The following F13B variants were observed in gnomAD, a reference collection of about 807,000 sequenced individuals.
The protein encoded by F13B is TGase.
Under a neutral mutation model 79.8 loss-of-function variants are expected in F13B, and 58 were observed. The ratio of observed to expected loss-of-function variants is 0.73; its 90% confidence interval spans 0.59 to 0.90. The LOEUF is 0.90. Among genes scored for constraint, F13B ranks in the 40% least tolerant of loss-of-function variants. F13B has a pLI of 0.00. For synonymous variants in F13B, 283 were observed against 260.3 expected, an observed-to-expected ratio of 1.09 and a Z score of -0.84; for missense variants, 773 against 777.0, an observed-to-expected ratio of 0.99 and a Z score of 0.06.
At position 197,057,097 on chromosome 1, in the gene F13B, C is replaced by A. The variant is rs570300747; in HGVS notation, c.1087G>T (p.Ala363Ser). The A allele has an allele frequency of 2.7e-5, 43 of 1,613,822 alleles. No individual in the cohort carries two copies. In the South Asian group the frequency reaches 4.3e-4, roughly 16 times the overall value. Residue 363 changes from alanine to serine, a missense_variant, in exon 7 of 12, where the codon GCA becomes TCA. Physicochemically the swap from Ala to Ser is moderately conservative, Grantham distance 99. Transcript: ENST00000367412. ...TGGAGAAGGTAGCCGCTTTTACATG[C>A]ATATGTCACTTTATCCCCATTGTAA... ...IYYNGDKVTY[A>S]CKSGYLLHGS...
chr1:197,061,091 T>G lies in F13B; in HGVS notation c.452-16A>C, dbSNP rs1257888005. ...AAACATGTTTCTAAAATTATAAAAA[T>G]TATTTATTTTATAAACTTTTTTAAT... On this transcript the variant is annotated splice_polypyrimidine_tract_variant and intron_variant, in intron 3 of 11. Transcript: ENST00000367412. The G allele has an allele frequency of 8.2e-7, 1 of 1,223,240 alleles. No individual in the cohort carries two copies. Among genetic ancestry groups the G allele is most frequent in the South Asian group, 1.6e-5 (1 of 60,800 alleles). The allele number at this position is 1,223,240 out of a possible 1,614,324, so 75.8% of individuals were successfully genotyped here.
chr1:197,060,904 C>T lies in F13B; in HGVS notation c.623G>A (p.Cys208Tyr), dbSNP rs1413287247. The T allele has an allele frequency of 3.1e-6, 5 of 1,612,782 alleles. No homozygotes were observed. The highest frequency in any genetic ancestry group is 1.7e-5 in the Admixed American group (1 of 59,936). Residue 208 changes from cysteine (C) to tyrosine (Y), a missense_variant, in exon 4 of 12, where the codon TGT (cysteine) becomes TAT (tyrosine). Cys to Tyr is a radical substitution (Grantham distance 194, BLOSUM62 -2). Transcript: ENST00000367412. The part of the protein sequence containing the change: ...LTYGWSLTPK[C>Y]TKLKCSSLRL... ...TATTCCAAATGAGAACCTACTGGTA[C>T]ATTTTGGTGTGAGAGACCATCCGTA...
rs985607065 is a variant in F13B, at chr1:197,055,030, A to G, written c.1354+685T>C. 2.6e-5 allele frequency among the ~76,000 whole-genome samples: 4 copies of G among 152,190 alleles called. No homozygotes were observed. The East Asian group carries it at 5.8e-4, about 22-fold the overall frequency. On this transcript the variant is annotated intron_variant, in intron 8 of 11. Coordinates refer to ENST00000367412, the MANE Select transcript of F13B (RefSeq NM_001994.3). ...TTACATATGTATATCTGCATTATGG[A>G]ATACTATGCAGCCATTAAAGTATAT...
chr1:197,041,164 T>A (rs1252801488), intron 10 of F13B, among the ~76,000 whole-genome samples: 2 of 152,156 alleles, frequency 1.3e-5, no homozygotes, highest in African/African-American at 4.8e-5. Flanking sequence ...AATTGCTGTA[T>A]AAATAACATT....
At chr1:197,058,627 T>C (rs1403603476) in intron 5 of F13B, among the ~76,000 whole-genome samples, 1 of 152,144 alleles carries the variant, frequency 6.6e-6, no homozygotes, top group Non-Finnish European at 1.5e-5. Context: ...TCCCTCTGCC[T>C]CCCTTTTATA....
At chr1:197,045,424 T>C (rs1318920563) in intron 10 of F13B, among the ~76,000 whole-genome samples, 1 of 152,098 alleles carries the variant, frequency 6.6e-6, no homozygotes, top group Non-Finnish European at 1.5e-5. Context: ...AATGGACAAA[T>C]TCCTGGACAC....
chr1:197,045,100 A>T (rs1389734838), intron 10 of F13B, among the ~76,000 whole-genome samples: 1 of 152,216 alleles, frequency 6.6e-6, no homozygotes, highest in Non-Finnish European at 1.5e-5. Context: ...TGAAAGAACT[A>T]GAGAAGCAAG....
chr1:197,058,782 G>A (rs922052669), intron 5 of F13B, among the ~76,000 whole-genome samples: 2 of 152,086 alleles, frequency 1.3e-5, no homozygotes, highest in African/African-American at 4.8e-5. Context: ...TATTTTGGGA[G>A]GAGTAAGAGA....
intron 10 of F13B, among the ~76,000 whole-genome samples, chr1:197,045,210 T>C (rs1315466208): frequency 6.6e-6 from 1 of 151,794 alleles, no homozygotes; most frequent in Non-Finnish European, 1.5e-5. Flanking sequence ...AAAAAATCAA[T>C]GAATCCAGGA....
At chr1:197,060,753 A>G (rs934666521) in intron 4 of F13B, 146 bp downstream of exon 4, 1 of 794,096 alleles carries the variant, frequency 1.3e-6, no homozygotes, top group African/African-American at 1.7e-5. Context: ...AGCTTTAATT[A>G]TCAAAGACTG....
At chr1:197,050,250 G>A (rs1451390579) in intron 10 of F13B, among the ~76,000 whole-genome samples, 4 of 152,020 alleles carry the variant, frequency 2.6e-5, no homozygotes, top group African/African-American at 9.7e-5. Context: ...TGCCTCTGAG[G>A]GCCTTAGTAA....
In F13B at chr1:197,062,080, A is replaced by G. The variant is rs965271548; in HGVS notation, c.266-111T>C. On this transcript the variant is annotated intron_variant, in intron 2 of 11. Transcript: ENST00000367412. Reference sequence around the variant, plus strand: ...TATTATTGGCGATTTCATTTTGGAAATATCTGCATAATTTTTTTGAAAATG... The same window carrying G: ...TATTATTGGCGATTTCATTTTGGAAGTATCTGCATAATTTTTTTGAAAATG... 3.5e-5 allele frequency: 32 copies of G among 906,932 alleles called. No individual in the cohort carries two copies. The African/African-American group carries it at 4.3e-4, about 12-fold the overall frequency. 56.2% of individuals were successfully genotyped at this position (906,932 alleles called of 1,614,324 possible). A position where few individuals can be genotyped will look rare whatever the true frequency, so the allele number is the denominator to read the frequency against.
Position 197,050,822 on chromosome 1 carries a change from G to A in F13B, c.1613C>T (p.Ser538Leu), listed in dbSNP as rs1655415101. The change falls in exon 10 of 12, where the codon TCA becomes TTA. Residue 538 changes from serine (S) to leucine (L), a missense_variant. Ser to Leu is a moderately radical substitution (Grantham distance 145, BLOSUM62 -2). Coordinates refer to ENST00000367412, the MANE Select transcript of F13B (RefSeq NM_001994.3). Reference protein sequence around the residue: ...PLIKHGVIISSTVDTYENGSS... With the variant: ...PLIKHGVIISLTVDTYENGSS... ...GCCATTTTCATAGGTGTCTACTGTT[G>A]AACTAATAATGACTCCATGTTTAAT... is the stretch of plus-strand genomic sequence containing the variant. 6.2e-7 allele frequency: 1 copy of A among 1,613,226 alleles called. No individual in the cohort carries two copies. The highest frequency in any genetic ancestry group is 2.2e-5 in the East Asian group (1 of 44,844).
In F13B at chr1:197,062,918, T is replaced by C; in HGVS notation, c.204A>G (p.Gly68=). The part of the protein sequence containing the change: ...FCLAGYTTES[G]RQEEQTTCTT... ...TACACGTGGTTTGCTCTTCTTGTCT[T>C]CCACTTTCAGTGGTATAACCAGCCA... The change falls in exon 2 of 12, where the codon GGA becomes GGG. Residue 68 remains glycine (G), a synonymous_variant. Coordinates refer to ENST00000367412, the MANE Select transcript of F13B (RefSeq NM_001994.3). The C allele has an allele frequency of 1.2e-6, 2 of 1,613,894 alleles. No individual in the cohort carries two copies. Among genetic ancestry groups the C allele is most frequent in the Non-Finnish European group, 1.7e-6 (2 of 1,179,834 alleles).
intron 9 of F13B, among the ~76,000 whole-genome samples, chr1:197,052,204 A>G (rs1440771118): frequency 5.3e-5 from 8 of 152,114 alleles, no homozygotes. Flanking sequence ...TTTTTGTATA[A>G]GGTGTAATCA....
chr1:197,050,490 T>TA (rs1176316948), intron 10 of F13B, among the ~76,000 whole-genome samples: 4 of 152,172 alleles, frequency 2.6e-5, no homozygotes, highest in African/African-American at 9.6e-5. Context: ...GGTTTGTCTT[T>TA]AAAAAAATAT....
At chr1:197,057,998 C>CT (rs1256933200) in intron 5 of F13B, among the ~76,000 whole-genome samples, 1 of 152,182 alleles carries the variant, frequency 6.6e-6, no homozygotes, top group Non-Finnish European at 1.5e-5. Flanking sequence ...TTGATTGCAG[C>CT]TTTGATAGCC....
At chr1:197,043,528 T>C (rs1295352435) in intron 10 of F13B, among the ~76,000 whole-genome samples, 1 of 152,200 alleles carries the variant, frequency 6.6e-6, no homozygotes, top group Non-Finnish European at 1.5e-5. Context: ...ATGAATTATA[T>C]GTTCAAGAAG....
intron 10 of F13B, among the ~76,000 whole-genome samples, chr1:197,048,155 T>C (rs1235176184): frequency 1.3e-5 from 2 of 151,324 alleles, no homozygotes; most frequent in East Asian, 3.9e-4. Context: ...TGTGTATATA[T>C]ATATACACAC....
Sources: gnomAD v4.1 joint callset for allele counts (sites outside exome capture counted in the v4.1 genomes callset) on GRCh38, gnomAD v4.1.1 for gene constraint, MANE v1.5 for transcripts, NCBI Gene and HGNC (gene_info 2026-07-23, HGNC 2026-07-21) for gene names.